Variants in AGO4 observed in about 807,000 individuals in gnomAD.
AGO4 encodes the protein argonaute RISC component 4, also known as protein argonaute-4.
AGO4 carries 33 observed loss-of-function variants against 104.7 expected under a neutral mutation model. The ratio of observed to expected loss-of-function variants is 0.32; its 90% CI spans 0.24 to 0.42. The LOEUF (loss-of-function observed/expected upper bound fraction) is 0.42. AGO4 is among the 10% of genes least tolerant of loss of function. The pLI is 1.00. For missense variants in AGO4, 711 were observed against 1,083.4 expected (o/e 0.66, Z 4.83); for synonymous variants, 331 against 364.7 (o/e 0.91, Z 1.05).
chr1:35,851,131 TTTTAAG>T, intron 17 of AGO4, 78 bp downstream of exon 17: 6 of 1,381,356 alleles, frequency 4.3e-6, no homozygotes, highest in Non-Finnish European at 5.9e-6. Context: ...TAGAAAACTT[TTTTAAG>T]GATTTAAACT....
Position 35,808,367 on chromosome 1 carries a change from C to G in AGO4, c.-50C>G. On this transcript the variant is annotated 5_prime_UTR_variant, in exon 1 of 18. Transcript: ENST00000373210. This position sits in a 1 kb window ranked among gnomAD's most constrained non-coding sequence, Gnocchi z 5.2. ...GCGGCGGCGGCGGCGGCGGCGGGGC[C>G]CGGAGCGGGAGGCGCCGGGGACCGG... is the stretch of plus-strand genomic sequence containing the variant. 9.7e-7 allele frequency: 1 copy of G among 1,030,294 alleles called. No individual in the cohort carries two copies. Among genetic ancestry groups the G allele is most frequent in the African/African-American group, 1.7e-5 (1 of 57,916 alleles). 63.8% of individuals were successfully genotyped at this position (1,030,294 alleles called of 1,614,324 possible).
chr1:35,831,556 T>C lies in AGO4; in HGVS notation c.978T>C (p.His326=). 6.2e-7 allele frequency: 1 copy of C among 1,612,096 alleles called. No individual in the cohort carries two copies. The change falls in exon 8 of 18, where the codon CAT becomes CAC. Residue 326 remains histidine (H), a synonymous_variant. Transcript: ENST00000373210. ...PCLQVGQEQK[H]TYLPLEVCNI... is the part of the protein sequence containing the mutation. ...TCCAAGTGGGACAAGAACAAAAGCA[T>C]ACATACTTGCCACTCGAGGTAAGTT... is the stretch of plus-strand genomic sequence containing the variant.
chr1:35,816,342 G>A (rs1421699019), intron 1 of AGO4, among the ~76,000 whole-genome samples: 1 of 152,102 alleles, frequency 6.6e-6, no homozygotes, highest in East Asian at 1.9e-4. Context: ...TTCTAATTTT[G>A]ATGTCCTTAT....
chr1:35,822,841 A>G, intron 2 of AGO4, 21 bp from the exon 3 acceptor site: 1 of 1,612,804 alleles, frequency 6.2e-7, no homozygotes, highest in Non-Finnish European at 8.5e-7. Flanking sequence ...GCTAACTGCC[A>G]TTATCTCCAT....
intron 13 of AGO4, among the ~76,000 whole-genome samples, chr1:35,838,823 G>T (rs1557572549): frequency 6.6e-6 from 1 of 152,078 alleles, no homozygotes; most frequent in Admixed American, 6.6e-5. Flanking sequence ...GTGTGAAAGT[G>T]ATTTGAAGAG....
Position 35,822,910 on chromosome 1 carries a change from T to C in AGO4, c.234T>C (p.Gly78=). The C allele has an allele frequency of 6.2e-7, 1 of 1,614,096 alleles. No individual in the cohort carries two copies. The change falls in exon 3 of 18, where the codon GGT becomes GGC. Residue 78 remains glycine, a synonymous_variant. Coordinates refer to ENST00000373210, the MANE Select transcript of AGO4 (RefSeq NM_017629.4). ...GGCACTTCAAGATGCAAATATTTGGTGATCGGCAGCCTGGGTATGATGGCA... is the reference window on the plus strand; with the variant it reads ...GGCACTTCAAGATGCAAATATTTGGCGATCGGCAGCCTGGGTATGATGGCA... ...MVRHFKMQIF[G]DRQPGYDGKR...
chr1:35,809,285 G>A (rs1017351944), intron 1 of AGO4, among the ~76,000 whole-genome samples: 3 of 152,180 alleles, frequency 2.0e-5, no homozygotes, highest in Non-Finnish European at 2.9e-5. Flanking sequence ...TTGGGGCCTG[G>A]TGCTTCCACC....
At chr1:35,836,054 A>G (rs1363410097) in intron 13 of AGO4, 61 bp downstream of exon 13, 3 of 1,546,704 alleles carry the variant, frequency 1.9e-6, no homozygotes, top group African/African-American at 2.7e-5. Flanking sequence ...ATTTATGGGA[A>G]AGCACACAAA....
At chr1:35,825,164 A>G (rs1275315492) in intron 3 of AGO4, 149 bp from the exon 4 acceptor site, 2 of 714,810 alleles carry the variant, frequency 2.8e-6, no homozygotes, top group Non-Finnish European at 2.3e-6. Context: ...ACCCCTACTC[A>G]TGGACACTAA....
intron 11 of AGO4, among the ~76,000 whole-genome samples, chr1:35,832,813 G>A (rs1644216801): frequency 6.6e-6 from 1 of 152,142 alleles, no homozygotes; most frequent in South Asian, 2.1e-4. Flanking sequence ...GACAATGTTG[G>A]TTGGCAAATT....
In AGO4 at chr1:35,808,162, G is replaced by A. The variant is rs1285172433; in HGVS notation, c.-255G>A. On this transcript the variant is annotated 5_prime_UTR_variant, in exon 1 of 18. Transcript: ENST00000373210. The surrounding 1 kb of genome is among the most constrained non-coding windows in gnomAD (Gnocchi z 5.2). The stretch of plus-strand genomic sequence containing the variant: ...GGCGCGCGCGCTGGCTCCCGCTCCC[G>A]CTCCCGTTGGCGGCGGCGGCGGCGG... 1.3e-5 allele frequency: 2 copies of A among 159,040 alleles called. No homozygotes were observed. The highest frequency in any genetic ancestry group is 2.0e-4 in the East Asian group (1 of 5,122). The allele number at this position is 159,040 out of a possible 1,614,324, so 9.9% of individuals were successfully genotyped here.
chr1:35,853,078 G>A (rs1351864467), intron 17 of AGO4, among the ~76,000 whole-genome samples: 2 of 151,852 alleles, frequency 1.3e-5, no homozygotes, highest in African/African-American at 4.8e-5. Context: ...GTGAAACCCC[G>A]TCTCTAGTAA....
chr1:35,850,517 C>T (rs1372746946), intron 16 of AGO4, among the ~76,000 whole-genome samples: 1 of 151,980 alleles, frequency 6.6e-6, no homozygotes, highest in Non-Finnish European at 1.5e-5. Flanking sequence ...TGGTGGCTCA[C>T]GCTTGTAATC....
intron 7 of AGO4, among the ~76,000 whole-genome samples, chr1:35,830,778 T>G (rs1273997618): frequency 6.6e-6 from 1 of 151,314 alleles, no homozygotes; most frequent in Non-Finnish European, 1.5e-5. Context: ...GAGTTCTAGA[T>G]CAGCCTGGCC....
At chr1:35,846,085 T>C (rs973760844) in intron 15 of AGO4, among the ~76,000 whole-genome samples, 2 of 152,206 alleles carry the variant, frequency 1.3e-5, no homozygotes, top group Non-Finnish European at 2.9e-5. Flanking sequence ...CATGGGAATG[T>C]TTGGCACCAG....
At position 35,856,579 on chromosome 1, in the gene AGO4, C is replaced by T. The variant is rs1644821217; in HGVS notation, c.*2974C>T. 1 of 152,294 alleles carries T rather than the reference C, an allele frequency of 6.6e-6. No homozygotes were observed. The highest frequency in any genetic ancestry group is 1.5e-5 in the Non-Finnish European group (1 of 68,158). The allele number at this position is 152,294 out of a possible 1,614,324, so 9.4% of individuals were successfully genotyped here. On this transcript the variant is annotated 3_prime_UTR_variant, in exon 18 of 18. Transcript: ENST00000373210. ...GGCGCGGTGGCTCACGCCTGTAATTCCAGCACTTTGGGAGGCCTAGGTGGG... is the reference window on the plus strand; with the variant it reads ...GGCGCGGTGGCTCACGCCTGTAATTTCAGCACTTTGGGAGGCCTAGGTGGG...
intron 7 of AGO4, among the ~76,000 whole-genome samples, chr1:35,827,607 C>T (rs1644057400): frequency 6.6e-6 from 1 of 152,072 alleles, no homozygotes; most frequent in Non-Finnish European, 1.5e-5. Flanking sequence ...AGTTTTAAAA[C>T]ATTTTCTGAA....
chr1:35,832,809 G>C (rs1450093740), intron 11 of AGO4, among the ~76,000 whole-genome samples: 1 of 152,216 alleles, frequency 6.6e-6, no homozygotes, highest in African/African-American at 2.4e-5. Flanking sequence ...TGGAGACAAT[G>C]TTGGTTGGCA....
rs1644246246 is a variant in AGO4, at chr1:35,833,973, T to C, written c.1380-17T>C. On this transcript the variant is annotated splice_polypyrimidine_tract_variant and intron_variant, in intron 11 of 17. Transcript: ENST00000373210. ...TCTGAAATGAAAAAAACCGTGTTAC[T>C]GGTTCTATTTTAACAGGAGTTTCAC... The C allele has an allele frequency of 4.1e-6, 6 of 1,463,500 alleles. No individual in the cohort carries two copies. The highest frequency in any genetic ancestry group is 2.9e-5 in the African/African-American group (2 of 70,120). The allele number at this position is 1,463,500 out of a possible 1,614,324, so 90.7% of individuals were successfully genotyped here. A position where few individuals can be genotyped will look rare whatever the true frequency, so the allele number is the denominator to read the frequency against.
Sources: gnomAD v4.1 joint callset for allele counts (sites outside exome capture counted in the v4.1 genomes callset) on GRCh38, gnomAD v4.1.1 for gene constraint, Gnocchi (gnomAD v3.1) non-coding constraint, MANE v1.5 for transcripts, NCBI Gene and HGNC (gene_info 2026-07-23, HGNC 2026-07-21) for gene names.